NXPE2: variants seen among roughly 807,000 people sequenced by gnomAD.
NXPE2 encodes the protein NXPE family member 2.
Under a neutral mutation model 34.4 loss-of-function variants are expected in NXPE2, and 34 were observed. That is an observed-to-expected ratio of 0.99 (90% CI 0.75 to 1.31). The LOEUF is 1.31. Among genes scored for constraint, NXPE2 ranks in the 40% most tolerant of loss-of-function variants. NXPE2 has a pLI of 0.00. For missense variants in NXPE2, 649 were observed against 672.5 expected (o/e 0.97, Z 0.39); for synonymous variants, 235 against 231.3 (o/e 1.02, Z -0.15).
the NXPE2 span, among the ~76,000 whole-genome samples, chr11:114,733,132 T>C: frequency 6.6e-6 from 1 of 152,198 alleles, no homozygotes; most frequent in Non-Finnish European, 1.5e-5. Context: ...AGTCTCGCTC[T>C]GTCACCCAGG....
At chr11:114,760,933 C>A in the NXPE2 span, among the ~76,000 whole-genome samples, 1 of 152,108 alleles carries the variant, frequency 6.6e-6, no homozygotes, top group African/African-American at 2.4e-5. Context: ...ATTGTCACTG[C>A]CTAATCACTT....
At chr11:114,582,392 G>C in the NXPE2 span, 1 of 1,614,206 alleles carries the variant, frequency 6.2e-7, no homozygotes, top group Non-Finnish European at 8.5e-7. Context: ...GCCTCACACA[G>C]TAGAAGCCTT....
chr11:114,618,159 C>T, the NXPE2 span, among the ~76,000 whole-genome samples: 7 of 151,900 alleles, frequency 4.6e-5, no homozygotes, highest in South Asian at 2.1e-4. Context: ...AGTATTGCCT[C>T]GTGGGTAACC....
At chr11:114,466,292 G>C in the NXPE2 span, among the ~76,000 whole-genome samples, 38,583 of 151,900 alleles carry the variant, frequency 0.25, 5,029 homozygotes, top group East Asian at 0.37. Context: ...CTCTATTACA[G>C]TCTTGATTTT....
chr11:114,709,044 AT>A (rs1232305130), downstream of NXPE2, among the ~76,000 whole-genome samples: 2 of 152,226 alleles, frequency 1.3e-5, no homozygotes, highest in African/African-American at 4.8e-5. Context: ...ATTAGCCCCT[AT>A]AAAAGAGGGT....
the NXPE2 span, among the ~76,000 whole-genome samples, chr11:114,628,588 C>G: frequency 1.3e-5 from 2 of 149,070 alleles, no homozygotes; most frequent in African/African-American, 5.0e-5. Context: ...AAAATTGACA[C>G]CCTAACATCA....
chr11:114,637,789 G>GC, the NXPE2 span, among the ~76,000 whole-genome samples: 1 of 151,884 alleles, frequency 6.6e-6, no homozygotes, highest in Non-Finnish European at 1.5e-5. Flanking sequence ...TTGAATATTG[G>GC]CCCCCACTCT....
chr11:114,633,267 T>C, the NXPE2 span, among the ~76,000 whole-genome samples: 26 of 136,188 alleles, frequency 1.9e-4, no homozygotes, highest in South Asian at 5.5e-3. Flanking sequence ...AAGAATGTTA[T>C]ATAGTATTAT....
At chr11:114,700,832 A>G (rs1951352670) in intron 3 of NXPE2, among the ~76,000 whole-genome samples, 1 of 152,152 alleles carries the variant, frequency 6.6e-6, no homozygotes. Context: ...CACTTATTTT[A>G]TGGATCATTT....
the NXPE2 span, among the ~76,000 whole-genome samples, chr11:114,624,545 C>G: frequency 1.3e-5 from 2 of 151,664 alleles, no homozygotes; most frequent in Non-Finnish European, 3.0e-5. Flanking sequence ...CCACTGTTAC[C>G]TAGTGGATAA....
chr11:114,493,444 G>T, the NXPE2 span, among the ~76,000 whole-genome samples: 1 of 152,026 alleles, frequency 6.6e-6, no homozygotes, highest in Admixed American at 6.6e-5. Context: ...TTCTCAGGTG[G>T]TATGTTTTAA....
At chr11:114,616,319 G>A in the NXPE2 span, among the ~76,000 whole-genome samples, 7 of 144,418 alleles carry the variant, frequency 4.8e-5, no homozygotes, top group East Asian at 2.0e-4. Flanking sequence ...GTTGTCTCAC[G>A]TGTAACCACT....
the NXPE2 span, among the ~76,000 whole-genome samples, chr11:114,566,416 G>A: frequency 2.0e-5 from 3 of 152,236 alleles, no homozygotes; most frequent in South Asian, 6.2e-4. Flanking sequence ...CAGAAACAAA[G>A]GAAAGTGAGT....
At chr11:114,506,156 G>A in the NXPE2 span, among the ~76,000 whole-genome samples, 1 of 142,680 alleles carries the variant, frequency 7.0e-6, no homozygotes, top group East Asian at 2.0e-4. Context: ...AAATGGTAAA[G>A]AGTTCAATTC....
chr11:114,516,043 A>G, the NXPE2 span, among the ~76,000 whole-genome samples: 1 of 152,246 alleles, frequency 6.6e-6, no homozygotes, highest in East Asian at 1.9e-4. Flanking sequence ...CAATTAAGCA[A>G]GAAGATGTTA....
the NXPE2 span, among the ~76,000 whole-genome samples, chr11:114,576,625 A>G: frequency 2.6e-5 from 4 of 152,120 alleles, no homozygotes; most frequent in African/African-American, 4.8e-5. Context: ...GGGAAATGCA[A>G]ATCAAAACCA....
the NXPE2 span, among the ~76,000 whole-genome samples, chr11:114,750,529 A>G: frequency 2.6e-5 from 4 of 152,184 alleles, no homozygotes; most frequent in Admixed American, 2.6e-4. Flanking sequence ...CAAAGTTCTA[A>G]TTCTTAAATT....
At chr11:114,612,499 A>C in the NXPE2 span, among the ~76,000 whole-genome samples, 1 of 151,046 alleles carries the variant, frequency 6.6e-6, no homozygotes, top group Non-Finnish European at 1.5e-5. Context: ...CCTGCTGGAT[A>C]ATAAGTGTTT....
chr11:114,732,838 T>C, the NXPE2 span, among the ~76,000 whole-genome samples: 2 of 149,386 alleles, frequency 1.3e-5, no homozygotes, highest in African/African-American at 5.1e-5. Flanking sequence ...TTCAGATTAA[T>C]TTAGTGATTC....
Sources: gnomAD v4.1 joint callset for allele counts (sites outside exome capture counted in the v4.1 genomes callset) on GRCh38, gnomAD v4.1.1 for gene constraint, MANE v1.5 for transcripts, NCBI Gene and HGNC (gene_info 2026-07-23, HGNC 2026-07-21) for gene names.